Variants in GREB1 observed in about 807,000 individuals in gnomAD.
GREB1 encodes the protein growth regulating estrogen receptor binding 1.
GREB1 carries 106 observed loss-of-function variants against 200.7 expected under a neutral mutation model. That is an observed-to-expected ratio of 0.53 (90% CI 0.45 to 0.62). GREB1 has a LOEUF of 0.62. Ranked by LOEUF, GREB1 falls within the 20% of genes least tolerant of loss-of-function variation. GREB1 has a pLI of 0.00. For synonymous variants in GREB1, 1,132 were observed against 1,092.4 expected, an observed-to-expected ratio of 1.04 and a Z score of -0.72; for missense variants, 2,243 against 2,556.8, an observed-to-expected ratio of 0.88 and a Z score of 2.65.
chr2:11,585,929 C>G, intron 9 of GREB1, 24 bp downstream of exon 9: 1 of 1,604,226 alleles, frequency 6.2e-7, no homozygotes, highest in Non-Finnish European at 8.5e-7. Context: ...TGCACCGAGT[C>G]GTGGGGATGG....
At chr2:11,605,270 G>T (rs1398390969) in intron 17 of GREB1, among the ~76,000 whole-genome samples, 2 of 149,300 alleles carry the variant, frequency 1.3e-5, no homozygotes, top group East Asian at 4.0e-4. Context: ...CTGTCGCCCA[G>T]GCTGAAGTGC....
At chr2:11,535,092 A>C (rs1053701151) in intron 1 of GREB1, among the ~76,000 whole-genome samples, 1 of 152,124 alleles carries the variant, frequency 6.6e-6, no homozygotes, top group Non-Finnish European at 1.5e-5. Flanking sequence ...GGAGATCTGC[A>C]TGTGGCCCTG....
intron 4 of GREB1, among the ~76,000 whole-genome samples, chr2:11,571,136 T>C (rs965039529): frequency 6.6e-6 from 1 of 152,220 alleles, no homozygotes; most frequent in African/African-American, 2.4e-5. Context: ...GTTTTGTTTT[T>C]TCTTTTTTTC....
At position 11,620,916 on chromosome 2, in the gene GREB1, A is replaced by C; in HGVS notation, c.4056A>C (p.Thr1352=). Residue 1352 remains threonine (T), a synonymous_variant, in exon 23 of 33, where the codon ACA becomes ACC. Coordinates refer to ENST00000381486, the MANE Select transcript of GREB1 (RefSeq NM_014668.4). ...LLSGPPQIGK[T]GAYLQFLSVL... ...CTATACCTTTACAGATCGGGAAGAC[A>C]GGTGCCTACCTGCAGTTCCTCAGTG... 1 of 1,607,402 alleles carries C rather than the reference A, an allele frequency of 6.2e-7. No individual in the cohort carries two copies. The highest frequency in any genetic ancestry group is 8.5e-7 in the Non-Finnish European group (1 of 1,173,818).
chr2:11,591,413 C>T (rs771333804), intron 10 of GREB1: 1 of 731,152 alleles, frequency 1.4e-6, no homozygotes, highest in Non-Finnish European at 2.6e-6. Flanking sequence ...AATACGAAAT[C>T]CGGACGTATA....
Position 11,588,903 on chromosome 2 carries a change from G to A in GREB1, c.1317G>A (p.Leu439=). Residue 439 remains leucine, a synonymous_variant, in exon 10 of 33, where the codon CTG becomes CTA. Coordinates refer to ENST00000381486, the MANE Select transcript of GREB1 (RefSeq NM_014668.4). ...CCATCTCCGAGGAGATGCAGCTCCT[G>A]CTTACCGTCTACTACCTGGTCCAGC... ...IQPISEEMQL[L]LTVYYLVQLA... is the part of the protein sequence containing the mutation. 6.2e-7 allele frequency: 1 copy of A among 1,614,088 alleles called. No homozygotes were observed. The highest frequency in any genetic ancestry group is 1.7e-5 in the Admixed American group (1 of 60,016).
chr2:11,515,627 G>T (rs1176441859), intron 1 of GREB1, among the ~76,000 whole-genome samples: 1 of 152,194 alleles, frequency 6.6e-6, no homozygotes, highest in African/African-American at 2.4e-5. Flanking sequence ...TGACCTGGTG[G>T]CTTCAAGGTG....
intron 19 of GREB1, among the ~76,000 whole-genome samples, chr2:11,613,913 C>G (rs1259906974): frequency 6.6e-6 from 1 of 152,136 alleles, no homozygotes; most frequent in Non-Finnish European, 1.5e-5. Flanking sequence ...TCACGTACCC[C>G]TCTCTAAGCC....
intron 17 of GREB1, among the ~76,000 whole-genome samples, chr2:11,605,661 A>G (rs1467249768): frequency 6.6e-6 from 1 of 151,990 alleles, no homozygotes; most frequent in African/African-American, 2.4e-5. Flanking sequence ...TGTAGTTTGC[A>G]TTTTCTAGAG....
At chr2:11,616,851 C>A in intron 21 of GREB1, 131 bp downstream of exon 21, 1 of 655,928 alleles carries the variant, frequency 1.5e-6, no homozygotes, top group Non-Finnish European at 2.7e-6. Context: ...ATAAGGAAAT[C>A]TTTGAAGTGC....
chr2:11,501,096 C>T (rs1673024722), intron 1 of GREB1, among the ~76,000 whole-genome samples: 1 of 152,180 alleles, frequency 6.6e-6, no homozygotes, highest in African/African-American at 2.4e-5. Context: ...GGGTAGGAAT[C>T]AGGGATCCAT....
At chr2:11,540,511 T>A (rs1674648897) in intron 1 of GREB1, 1 of 153,790 alleles carries the variant, frequency 6.5e-6, no homozygotes, top group Non-Finnish European at 1.5e-5. Flanking sequence ...GGCTCTGTAG[T>A]TCCATTTGAG....
At chr2:11,628,934 G>A (rs527871458) in intron 25 of GREB1, among the ~76,000 whole-genome samples, 158 of 152,320 alleles carry the variant, frequency 1.0e-3, no homozygotes, top group Non-Finnish European at 2.0e-3. Context: ...CAGAGGCCGC[G>A]TGGCCCCCTG....
At chr2:11,616,149 C>A (rs1320635807) in intron 20 of GREB1, among the ~76,000 whole-genome samples, 1 of 152,264 alleles carries the variant, frequency 6.6e-6, no homozygotes, top group African/African-American at 2.4e-5. Flanking sequence ...CTACCCATAG[C>A]CCGCATTGCA....
intron 28 of GREB1, 25 bp from the exon 29 acceptor site, chr2:11,634,106 G>T (rs1371938433): frequency 6.2e-7 from 1 of 1,605,782 alleles, no homozygotes; most frequent in Non-Finnish European, 8.5e-7. Flanking sequence ...TCAGCCTAGG[G>T]ACTCACTCTC....
At chr2:11,581,003 C>T (rs757037427) in intron 7 of GREB1, 171 bp downstream of exon 7, 1 of 803,024 alleles carries the variant, frequency 1.2e-6, no homozygotes, top group Non-Finnish European at 2.2e-6. Flanking sequence ...GGGTCTGGGC[C>T]CAGGCCCTGG....
In GREB1 at chr2:11,580,828, T is replaced by G; in HGVS notation, c.897T>G (p.Ala299=). ...NNLLALPRPS[A]LGILSNSGPP... ...TGTTGGCCCTGCCGCGACCATCGGC[T>G]TTAGGTAGCTCTGCCTGTCCTGGCC... The change falls in exon 7 of 33, where the codon GCT becomes GCG. Residue 299 remains alanine, a synonymous_variant. Coordinates refer to ENST00000381486, the MANE Select transcript of GREB1 (RefSeq NM_014668.4). This position sits in a 1 kb window ranked among gnomAD's most constrained non-coding sequence, Gnocchi z 4.5. The G allele has an allele frequency of 1.9e-6, 3 of 1,614,234 alleles. No individual in the cohort carries two copies. The highest frequency in any genetic ancestry group is 2.5e-6 in the Non-Finnish European group (3 of 1,180,036).
At chr2:11,489,315 C>T (rs560984072) in intron 1 of GREB1, among the ~76,000 whole-genome samples, 12 of 152,094 alleles carry the variant, frequency 7.9e-5, no homozygotes, top group Admixed American at 1.3e-4. Flanking sequence ...AAAAATTAGC[C>T]GGGCGTGGTG....
chr2:11,615,173 G>A lies in GREB1; in HGVS notation c.3205G>A (p.Ala1069Thr). Residue 1069 changes from alanine (A) to threonine (T), a missense_variant, in exon 20 of 33, where the codon GCC (alanine) becomes ACC (threonine). By Grantham distance (58) the Ala-to-Thr change is moderately conservative. Coordinates refer to ENST00000381486, the MANE Select transcript of GREB1 (RefSeq NM_014668.4). ...CTTGGAGCAGGAGCTGGGCCTGGCT[G>A]CCTACTTTGTGAGCAACGAGGTTCC... ...TALEQELGLA[A>T]YFVSNEVPLE... 2 of 1,614,170 alleles carry A rather than the reference G, an allele frequency of 1.2e-6. No homozygotes were observed. Among genetic ancestry groups the A allele is most frequent in the Admixed American group, 1.7e-5 (1 of 60,028 alleles).
Sources: gnomAD v4.1 joint callset for allele counts (sites outside exome capture counted in the v4.1 genomes callset) on GRCh38, gnomAD v4.1.1 for gene constraint, Gnocchi (gnomAD v3.1) non-coding constraint, MANE v1.5 for transcripts, NCBI Gene and HGNC (gene_info 2026-07-23, HGNC 2026-07-21) for gene names.